Variants in CPXM2 observed in about 807,000 individuals in gnomAD.
CPXM2 encodes the protein inactive carboxypeptidase-like protein X2.
In CPXM2, 66 loss-of-function variants were observed where a neutral mutation model predicts 86.1. The ratio of observed to expected loss-of-function variants is 0.77; its 90% CI spans 0.63 to 0.94. CPXM2 has a LOEUF of 0.94. Among genes scored for constraint, CPXM2 ranks in the 40% least tolerant of loss-of-function variants. CPXM2 has a pLI of 0.00. For missense variants in CPXM2, 948 were observed against 1,026.3 expected, an observed-to-expected ratio of 0.92 and a Z score of 1.04; for synonymous variants, 388 against 400.2, an observed-to-expected ratio of 0.97 and a Z score of 0.36.
intron 3 of CPXM2, among the ~76,000 whole-genome samples, chr10:123,853,315 G>A (rs1468008601): frequency 2.6e-5 from 4 of 152,160 alleles, no homozygotes; most frequent in Non-Finnish European, 4.4e-5. Flanking sequence ...AGTCTCAGCC[G>A]TTTCTTTATA....
intron 3 of CPXM2, among the ~76,000 whole-genome samples, chr10:123,855,420 T>C (rs1291984624): frequency 6.6e-6 from 1 of 152,018 alleles, no homozygotes; most frequent in Non-Finnish European, 1.5e-5. Flanking sequence ...AGGCTTAGGG[T>C]CAAAGACACG....
intron 4 of CPXM2, among the ~76,000 whole-genome samples, chr10:123,813,383 T>C (rs1847736475): frequency 6.6e-6 from 1 of 152,226 alleles, no homozygotes; most frequent in Admixed American, 6.5e-5. Flanking sequence ...TATTTCTCCA[T>C]ACCTGGATGC....
At chr10:123,748,515 A>G (rs1846011727) in intron 13 of CPXM2, among the ~76,000 whole-genome samples, 1 of 152,206 alleles carries the variant, frequency 6.6e-6, no homozygotes, top group Admixed American at 6.5e-5. Flanking sequence ...ACAGGAGCAC[A>G]GGACATGATG....
At chr10:123,906,828 A>G (rs1332120875) in intron 2 of CPXM2, among the ~76,000 whole-genome samples, 2 of 152,188 alleles carry the variant, frequency 1.3e-5, no homozygotes, top group Non-Finnish European at 2.9e-5. Context: ...CAGGATGGAA[A>G]GCAACCCCCA....
chr10:123,780,159 G>C lies in CPXM2; in HGVS notation c.978+8C>G, dbSNP rs755960780. ...TCCTGGCATGAGGCTTTGTGATCTG[G>C]GTCTTACCTGGCGCATTTCCTTATA... On this transcript the variant is annotated splice_region_variant and intron_variant, in intron 7 of 13. Transcript: ENST00000241305. 1 of 1,564,376 alleles carries C rather than the reference G, an allele frequency of 6.4e-7. No individual in the cohort carries two copies. Among genetic ancestry groups the C allele is most frequent in the Admixed American group, 1.7e-5 (1 of 59,942 alleles).
At chr10:123,943,419 T>A (rs1291633021), upstream of CPXM2, among the ~76,000 whole-genome samples, 4 of 152,314 alleles carry the variant, frequency 2.6e-5, no homozygotes, top group African/African-American at 4.8e-5. Flanking sequence ...AAAATCAGAA[T>A]TCAATGCCTC....
At position 123,900,577 on chromosome 10, in the gene CPXM2, C is replaced by A. The variant is rs111403810; in HGVS notation, n.175-20268G>T. Among the ~76,000 whole-genome samples, 9 of 152,284 alleles carry A rather than the reference C, an allele frequency of 5.9e-5. 1 individual carries two copies. The highest frequency in any genetic ancestry group is 1.3e-4 in the Non-Finnish European group (9 of 68,030). On this transcript the variant is annotated intron_variant and non_coding_transcript_variant, in intron 2 of 19. Coordinates refer to the CPXM2 transcript ENST00000368854. ...GCTGGATGGTGTCAAGTGTTGATGA[C>A]GGTGTGGAGTTTTGGGGCACCCCAG...
chr10:123,825,450 C>A (rs949710843), intron 4 of CPXM2, among the ~76,000 whole-genome samples: 1 of 152,330 alleles, frequency 6.6e-6, no homozygotes, highest in Non-Finnish European at 1.5e-5. Context: ...TCTTCTCTCT[C>A]CTCACTTTGC....
intron 4 of CPXM2, among the ~76,000 whole-genome samples, chr10:123,815,376 A>G (rs1914537): frequency 0.56 from 85,351 of 152,060 alleles, 25,826 homozygotes; most frequent in East Asian, 0.85. Flanking sequence ...AAAGGTGCAT[A>G]CACAGCCTCA....
chr10:123,933,666 T>C (rs1485698329), intron 2 of CPXM2, among the ~76,000 whole-genome samples: 2 of 151,720 alleles, frequency 1.3e-5, no homozygotes. Flanking sequence ...TGCAGTGAGC[T>C]GAGATCACGC....
chr10:123,776,059 C>T (rs1233347832), intron 7 of CPXM2, among the ~76,000 whole-genome samples: 2 of 152,100 alleles, frequency 1.3e-5, no homozygotes, highest in African/African-American at 4.8e-5. Context: ...TTCACCATGG[C>T]CTTAGAACAT....
At chr10:123,813,081 A>T (rs1847729944) in intron 4 of CPXM2, among the ~76,000 whole-genome samples, 1 of 152,214 alleles carries the variant, frequency 6.6e-6, no homozygotes, top group South Asian at 2.1e-4. Flanking sequence ...AAAACGCCAC[A>T]ACTACCTTTT....
intron 4 of CPXM2, among the ~76,000 whole-genome samples, chr10:123,818,072 G>A (rs1264053298): frequency 6.6e-6 from 1 of 152,196 alleles, no homozygotes; most frequent in Non-Finnish European, 1.5e-5. Context: ...TCGGGAGGAG[G>A]TATGTGGATG....
upstream of CPXM2, among the ~76,000 whole-genome samples, chr10:123,944,092 G>T (rs1308798308): frequency 1.3e-5 from 2 of 152,184 alleles, no homozygotes; most frequent in African/African-American, 4.8e-5. Flanking sequence ...GCCCCGGGCT[G>T]GGGTGTGAGG....
At position 123,795,702 on chromosome 10, in the gene CPXM2, GA is replaced by G. The variant is rs968168102; in HGVS notation, c.889+2273del. Among the ~76,000 whole-genome samples, 1,294 of 147,964 alleles carry G rather than the reference GA, an allele frequency of 8.7e-3. 22 individuals are homozygous for G. Among genetic ancestry groups the G allele is most frequent in the African/African-American group, 0.029 (1,186 of 40,386 alleles). On this transcript the variant is annotated intron_variant, in intron 6 of 13. Coordinates refer to ENST00000241305, the MANE Select transcript of CPXM2 (RefSeq NM_198148.3). ...TGAGCAAACTGCTAAGTAACTTCTA[GA>G]AAAAAAAAATGGTCCTCAATATTTG...
At chr10:123,924,275 A>G (rs1945604347) in intron 2 of CPXM2, among the ~76,000 whole-genome samples, 2 of 152,214 alleles carry the variant, frequency 1.3e-5, no homozygotes, top group African/African-American at 4.8e-5. Flanking sequence ...CCCCCACTGC[A>G]GACATCAGTT....
Position 123,878,296 on chromosome 10 carries a change from C to CTT in CPXM2, c.403+1913_403+1914dup, listed in dbSNP as rs72163200. ...TATCCTCGACCCCCTTTTTTTCTCT[C>CTT]TTTTTTTTTTTTTTTTTTTTTTTTT... is the stretch of plus-strand genomic sequence containing the variant. On this transcript the variant is annotated intron_variant, in intron 2 of 13. Transcript: ENST00000241305. Among the ~76,000 whole-genome samples the CTT allele has an allele frequency of 3.2e-3, 389 of 122,718 alleles. 9 individuals carry two copies. The highest frequency in any genetic ancestry group is 0.027 in the Admixed American group (272 of 10,256). 80.5% of individuals were successfully genotyped at this position (122,718 alleles called of 152,430 possible).
At chr10:123,748,278 G>C (rs571453718) in intron 13 of CPXM2, among the ~76,000 whole-genome samples, 1 of 152,296 alleles carries the variant, frequency 6.6e-6, no homozygotes, top group African/African-American at 2.4e-5. Flanking sequence ...TTTGGAGCCA[G>C]GTAGAGAAAA....
At chr10:123,922,928 T>C (rs1590123783) in intron 2 of CPXM2, among the ~76,000 whole-genome samples, 1 of 152,226 alleles carries the variant, frequency 6.6e-6, no homozygotes, top group African/African-American at 2.4e-5. Flanking sequence ...GAAAAGTCGC[T>C]GTCAACACCT....
Sources: gnomAD v4.1 joint callset for allele counts (sites outside exome capture counted in the v4.1 genomes callset) on GRCh38, gnomAD v4.1.1 for gene constraint, MANE v1.5 for transcripts, NCBI Gene and HGNC (gene_info 2026-07-23, HGNC 2026-07-21) for gene names.